The following OSTF1 variants were observed in gnomAD, a reference collection of about 807,000 sequenced individuals.
OSTF1 encodes the protein osteoclast stimulating factor 1.
Under a neutral mutation model 37.2 loss-of-function variants are expected in OSTF1, and 27 were observed. The observed-to-expected ratio is 0.73, with a 90% CI of 0.54 to 1.00. OSTF1 has a LOEUF of 1.00. Among genes scored for constraint, OSTF1 ranks in the 50% least tolerant of loss-of-function variants. The probability of loss-of-function intolerance (pLI) is 0.00; values close to 1 mark genes in which losing one functional copy is unlikely to be tolerated. For missense variants in OSTF1, 232 were observed against 253.8 expected (o/e 0.91, Z 0.58); for synonymous variants, 82 against 89.2 (o/e 0.92, Z 0.46).
At chr9:75,092,160 A>G (rs1824987038) in intron 1 of OSTF1, among the ~76,000 whole-genome samples, 1 of 152,240 alleles carries the variant, frequency 6.6e-6, no homozygotes, top group Non-Finnish European at 1.5e-5. Flanking sequence ...ACATTAAGCT[A>G]TAATGCAGGC....
At chr9:75,089,421 C>A (rs1824903504) in intron 1 of OSTF1, among the ~76,000 whole-genome samples, 1 of 152,002 alleles carries the variant, frequency 6.6e-6, no homozygotes, top group South Asian at 2.1e-4. Flanking sequence ...TTACTAAATT[C>A]CTCAAAGCAG....
intron 8 of OSTF1, among the ~76,000 whole-genome samples, chr9:75,140,617 G>A (rs1825926366): frequency 6.6e-6 from 1 of 152,138 alleles, no homozygotes; most frequent in Non-Finnish European, 1.5e-5. Context: ...CAAAAGGTTC[G>A]GAATTAATTG....
chr9:75,117,059 T>C (rs111702186), intron 1 of OSTF1, among the ~76,000 whole-genome samples: 7,319 of 152,278 alleles, frequency 0.048, 239 homozygotes, highest in Non-Finnish European at 0.075. Context: ...TATAATGATA[T>C]GTTTTTAAAA....
chr9:75,145,177 A>AATCTATCT (rs1554774951), intron 9 of OSTF1, among the ~76,000 whole-genome samples: 2 of 148,944 alleles, frequency 1.3e-5, no homozygotes, highest in African/African-American at 2.4e-5. Flanking sequence ...CTATCTATCT[A>AATCTATCT]ATCTATCTAT....
intron 2 of OSTF1, among the ~76,000 whole-genome samples, chr9:75,118,530 G>A (rs762129547): frequency 4.0e-4 from 61 of 152,092 alleles, no homozygotes; most frequent in Admixed American, 2.5e-3. Flanking sequence ...GCAGGGAGTC[G>A]AGACAGTTAG....
At chr9:75,096,288 A>G (rs1825085311) in intron 1 of OSTF1, among the ~76,000 whole-genome samples, 1 of 152,198 alleles carries the variant, frequency 6.6e-6, no homozygotes, top group African/African-American at 2.4e-5. Flanking sequence ...CTCAGCTTAC[A>G]TTTGGGATTA....
At chr9:75,130,365 G>A (rs147163434) in intron 3 of OSTF1, among the ~76,000 whole-genome samples, 215 of 152,232 alleles carry the variant, frequency 1.4e-3, no homozygotes, top group African/African-American at 5.0e-3. Flanking sequence ...GTCATGAAAC[G>A]TATTCCATTT....
intron 9 of OSTF1, among the ~76,000 whole-genome samples, chr9:75,143,140 T>A (rs998500544): frequency 6.6e-6 from 1 of 151,998 alleles, no homozygotes; most frequent in African/African-American, 2.4e-5. Context: ...GGGTTTCACC[T>A]TTTTTGTCCA....
At chr9:75,118,169 A>G (rs1825522305) in intron 2 of OSTF1, among the ~76,000 whole-genome samples, 1 of 152,214 alleles carries the variant, frequency 6.6e-6, no homozygotes, top group Non-Finnish European at 1.5e-5. Context: ...CTGGAGAAAA[A>G]TAAGGAGGGT....
chr9:75,140,961 C>A, intron 9 of OSTF1, 29 bp downstream of exon 9: 2 of 1,443,472 alleles, frequency 1.4e-6, no homozygotes, highest in South Asian at 2.3e-5. Flanking sequence ...TCTTTCTCCT[C>A]TGGTGCCCCA....
intron 1 of OSTF1, among the ~76,000 whole-genome samples, chr9:75,094,662 A>C (rs1326598490): frequency 7.1e-6 from 1 of 141,726 alleles, no homozygotes; most frequent in East Asian, 2.0e-4. Flanking sequence ...GAAAGACTAC[A>C]TTAAAAAAAA....
At chr9:75,138,652 G>T (rs925400765) in intron 8 of OSTF1, among the ~76,000 whole-genome samples, 2 of 152,128 alleles carry the variant, frequency 1.3e-5, no homozygotes, top group Non-Finnish European at 2.9e-5. Flanking sequence ...TTCACATTTT[G>T]CAAATGTGGC....
chr9:75,130,829 G>T (rs1825751122), intron 4 of OSTF1, among the ~76,000 whole-genome samples, 188 bp downstream of exon 4: 1 of 152,102 alleles, frequency 6.6e-6, no homozygotes, highest in South Asian at 2.1e-4. Flanking sequence ...GCCTGACTCT[G>T]TGGCCTAAGA....
chr9:75,102,034 A>T (rs1825201752), intron 1 of OSTF1, among the ~76,000 whole-genome samples: 1 of 152,214 alleles, frequency 6.6e-6, no homozygotes, highest in African/African-American at 2.4e-5. Flanking sequence ...CAGTGGCACA[A>T]TTATAGCTCA....
At chr9:75,108,699 G>A (rs905787851) in intron 1 of OSTF1, among the ~76,000 whole-genome samples, 3 of 152,026 alleles carry the variant, frequency 2.0e-5, no homozygotes, top group African/African-American at 7.3e-5. Flanking sequence ...AAATATTCAG[G>A]CCCAGGAGAT....
At chr9:75,117,811 T>A (rs546968482) in intron 2 of OSTF1, among the ~76,000 whole-genome samples, 1 of 152,238 alleles carries the variant, frequency 6.6e-6, no homozygotes, top group South Asian at 2.1e-4. Flanking sequence ...GTGACTTGCA[T>A]ATAAAGCACA....
chr9:75,121,302 A>G (rs1284695959), intron 2 of OSTF1, among the ~76,000 whole-genome samples: 1 of 152,212 alleles, frequency 6.6e-6, no homozygotes, highest in Non-Finnish European at 1.5e-5. Flanking sequence ...TGGGTTGTGT[A>G]TTGATTTATT....
chr9:75,122,771 T>C (rs1825600290), intron 2 of OSTF1, among the ~76,000 whole-genome samples: 1 of 152,200 alleles, frequency 6.6e-6, no homozygotes, highest in African/African-American at 2.4e-5. Context: ...AGGAACAAAT[T>C]AGTTAATATT....
chr9:75,126,384 G>A (rs1453787113), intron 2 of OSTF1, among the ~76,000 whole-genome samples: 2 of 152,060 alleles, frequency 1.3e-5, no homozygotes, highest in Non-Finnish European at 2.9e-5. Context: ...ATGCATAGTT[G>A]TGTTCTTATC....
Sources: allele counts gnomAD v4.1 joint callset (sites outside exome capture counted in the v4.1 genomes callset), GRCh38; gene constraint gnomAD v4.1.1; transcripts MANE v1.5; gene names NCBI Gene and HGNC (gene_info 2026-07-23, HGNC 2026-07-21).